STIM1: variants seen among roughly 807,000 people sequenced by gnomAD.
The protein encoded by STIM1 is stromal interaction molecule 1.
STIM1 carries 25 observed loss-of-function variants against 74.7 expected under a neutral mutation model. That is an observed-to-expected ratio of 0.33 (90% confidence interval 0.24 to 0.47). The LOEUF is 0.47. Among genes scored for constraint, STIM1 ranks in the 20% least tolerant of loss-of-function variants. The pLI is 1.00. For synonymous variants in STIM1, 328 were observed against 348.8 expected, an observed-to-expected ratio of 0.94 and a Z score of 0.66; for missense variants, 728 against 920.8, an observed-to-expected ratio of 0.79 and a Z score of 2.71.
chr11:4,023,255 G>A (rs1406563149), intron 2 of STIM1, among the ~76,000 whole-genome samples: 1 of 152,120 alleles, frequency 6.6e-6, no homozygotes, highest in Non-Finnish European at 1.5e-5. Flanking sequence ...CTTGAACTTC[G>A]GAGGTGGAGG....
intron 1 of STIM1, among the ~76,000 whole-genome samples, chr11:3,883,004 A>T (rs539029664): frequency 4.0e-4 from 59 of 147,302 alleles, no homozygotes; most frequent in African/African-American, 1.4e-3. Flanking sequence ...TCTATTTTTT[A>T]AAACTAAGTT....
intron 1 of STIM1, among the ~76,000 whole-genome samples, chr11:3,917,048 G>C (rs1231306159): frequency 6.6e-6 from 1 of 152,218 alleles, no homozygotes; most frequent in Non-Finnish European, 1.5e-5. Flanking sequence ...AGGTTTAGGG[G>C]CAACTTTGAG....
intron 1 of STIM1, among the ~76,000 whole-genome samples, chr11:3,893,980 A>T (rs1478475729): frequency 6.6e-6 from 1 of 152,118 alleles, no homozygotes; most frequent in Non-Finnish European, 1.5e-5. Flanking sequence ...GGGTTTTGCC[A>T]TGTTGCCTAG....
At chr11:3,891,157 T>G (rs1361606219) in intron 1 of STIM1, among the ~76,000 whole-genome samples, 2 of 152,240 alleles carry the variant, frequency 1.3e-5, no homozygotes, top group African/African-American at 4.8e-5. Flanking sequence ...GTTATTATTC[T>G]CATTTTGTAG....
At chr11:3,898,979 G>T (rs2092271365) in intron 1 of STIM1, among the ~76,000 whole-genome samples, 1 of 151,608 alleles carries the variant, frequency 6.6e-6, no homozygotes, top group Admixed American at 6.6e-5. Context: ...TTTTGGCTTA[G>T]GACTGACTTG....
At chr11:3,888,344 C>T (rs537632748) in intron 1 of STIM1, among the ~76,000 whole-genome samples, 2 of 152,228 alleles carry the variant, frequency 1.3e-5, no homozygotes, top group East Asian at 3.9e-4. Context: ...TTTGCTAGAT[C>T]CTATTTGCCA....
At position 4,072,042 on chromosome 11, in the gene STIM1, C is replaced by G. The variant is rs116742631; in HGVS notation, c.791+1839C>G. On this transcript the variant is annotated intron_variant, in intron 6 of 12. Coordinates refer to ENST00000526596, the MANE Select transcript of STIM1 (RefSeq NM_001382567.1). Reference sequence around the variant, plus strand: ...GCTGCTGTCTGAGCAGTCCCCATACCTCATTTGTTTGAAAAACATGTACTG... The same window carrying G: ...GCTGCTGTCTGAGCAGTCCCCATACGTCATTTGTTTGAAAAACATGTACTG... Among the ~76,000 whole-genome samples, 1,232 of 152,296 alleles carry G rather than the reference C, an allele frequency of 8.1e-3. 18 individuals carry two copies. The highest frequency in any genetic ancestry group is 0.028 in the African/African-American group (1,172 of 41,552).
intron 1 of STIM1, among the ~76,000 whole-genome samples, chr11:3,964,726 T>G (rs1389943113): frequency 6.6e-6 from 1 of 151,260 alleles, no homozygotes; most frequent in East Asian, 1.9e-4. Flanking sequence ...TTTCTTTAAT[T>G]CTTTTTTTTT....
intron 1 of STIM1, among the ~76,000 whole-genome samples, chr11:3,918,449 G>A (rs750286211): frequency 3.3e-5 from 5 of 151,554 alleles, no homozygotes; most frequent in Non-Finnish European, 7.4e-5. Context: ...TCAGGAGACT[G>A]AGCTTGAGCC....
chr11:4,088,887 C>T (rs2094508040), intron 12 of STIM1: 16 of 783,946 alleles, frequency 2.0e-5, no homozygotes, highest in Non-Finnish European at 3.3e-5. Context: ...CTCCCAGGTT[C>T]TTATCTTGCT....
intron 1 of STIM1, among the ~76,000 whole-genome samples, chr11:3,913,299 T>C (rs2092594550): frequency 6.6e-6 from 1 of 151,516 alleles, no homozygotes; most frequent in Non-Finnish European, 1.5e-5. Flanking sequence ...GTGATCCTCC[T>C]ACCTCAGCCT....
chr11:3,863,094 G>A (rs747626331), intron 1 of STIM1, among the ~76,000 whole-genome samples: 7 of 151,966 alleles, frequency 4.6e-5, no homozygotes, highest in Non-Finnish European at 8.8e-5. Flanking sequence ...GGGTTTCACT[G>A]TGTTGGCCAG....
Position 4,033,721 on chromosome 11 carries a change from G to A in STIM1, c.385+9734G>A, listed in dbSNP as rs889929455. Reference sequence around the variant, plus strand: ...CACCATTCTCCCGCCTCAGCCTCCCGAGTAGCTGGGACTACAGGTGCCCAC... The same window carrying A: ...CACCATTCTCCCGCCTCAGCCTCCCAAGTAGCTGGGACTACAGGTGCCCAC... On this transcript the variant is annotated intron_variant, in intron 3 of 12. Coordinates refer to ENST00000526596, the MANE Select transcript of STIM1 (RefSeq NM_001382567.1). Among the ~76,000 whole-genome samples, 28 of 151,416 alleles carry A rather than the reference G, an allele frequency of 1.8e-4. No homozygotes were observed. The East Asian group carries it at 2.2e-3, about 12-fold the overall frequency.
intron 3 of STIM1, among the ~76,000 whole-genome samples, chr11:4,035,257 G>T (rs1277642156): frequency 2.1e-5 from 3 of 146,200 alleles, no homozygotes; most frequent in Non-Finnish European, 4.5e-5. Context: ...CCAAATTCTG[G>T]TGTATTGTGT....
At chr11:3,908,383 C>A (rs1196012637) in intron 1 of STIM1, among the ~76,000 whole-genome samples, 1 of 152,170 alleles carries the variant, frequency 6.6e-6, no homozygotes, top group Non-Finnish European at 1.5e-5. Flanking sequence ...GAGGCCAAGG[C>A]AGGTGAATCA....
chr11:4,062,224 T>C (rs1321511150), intron 5 of STIM1, among the ~76,000 whole-genome samples: 2 of 152,258 alleles, frequency 1.3e-5, no homozygotes, highest in Non-Finnish European at 1.5e-5. Context: ...ATAAAAAAGT[T>C]TTATACTTCA....
At chr11:4,034,275 T>TAC (rs1344787314) in intron 3 of STIM1, among the ~76,000 whole-genome samples, 2 of 151,764 alleles carry the variant, frequency 1.3e-5, no homozygotes, top group Non-Finnish European at 2.9e-5. Context: ...TATATATATA[T>TAC]AATGTTGGCT....
intron 1 of STIM1, among the ~76,000 whole-genome samples, chr11:3,872,800 C>T (rs529731889): frequency 1.1e-3 from 162 of 152,250 alleles, no homozygotes; most frequent in African/African-American, 3.7e-3. Context: ...GGATTACAGG[C>T]GTGAGCCACC....
At chr11:3,860,163 A>G (rs1212099456) in intron 1 of STIM1, among the ~76,000 whole-genome samples, 1 of 152,240 alleles carries the variant, frequency 6.6e-6, no homozygotes, top group East Asian at 1.9e-4. Context: ...ATGGAGAATG[A>G]GAGGGGAACA....
Sources: allele counts gnomAD v4.1 joint callset (sites outside exome capture counted in the v4.1 genomes callset), GRCh38; gene constraint gnomAD v4.1.1; transcripts MANE v1.5; gene names NCBI Gene and HGNC (gene_info 2026-07-23, HGNC 2026-07-21).